The following NRG1 variants were observed in gnomAD, a reference collection of about 807,000 sequenced individuals.
NRG1 encodes the protein pro-neuregulin-1, membrane-bound isoform.
NRG1 carries 18 observed loss-of-function variants against 63.8 expected under a neutral mutation model. That is an observed-to-expected ratio of 0.28 (90% CI 0.19 to 0.42). The LOEUF (loss-of-function observed/expected upper bound fraction) is 0.42, where lower values mean the gene tolerates loss of function less well. Ranked by LOEUF, NRG1 falls within the 10% of genes least tolerant of loss-of-function variation. The probability of loss-of-function intolerance (pLI) is 1.00; values close to 1 mark genes in which losing one functional copy is unlikely to be tolerated. For synonymous variants in NRG1, 302 were observed against 301.3 expected, an observed-to-expected ratio of 1.00 and a Z score of -0.02; for missense variants, 762 against 814.7, an observed-to-expected ratio of 0.94 and a Z score of 0.79.
intron 1 of NRG1, among the ~76,000 whole-genome samples, chr8:32,278,876 T>C (rs996003695): frequency 6.6e-6 from 1 of 152,218 alleles, no homozygotes; most frequent in Non-Finnish European, 1.5e-5. Flanking sequence ...TGACGTCTAT[T>C]GTCCTGCAAC....
At chr8:32,293,754 C>G (rs1315107125) in intron 1 of NRG1, among the ~76,000 whole-genome samples, 1 of 108,004 alleles carries the variant, frequency 9.3e-6, no homozygotes, top group African/African-American at 3.7e-5. Context: ...GAGTTTCACT[C>G]TGTCGCCCAG....
intron 1 of NRG1, among the ~76,000 whole-genome samples, chr8:32,507,554 C>G (rs1047522211): frequency 6.6e-6 from 1 of 152,028 alleles, no homozygotes; most frequent in Non-Finnish European, 1.5e-5. Flanking sequence ...GGAGAATTTG[C>G]TGGCAAAAAA....
At chr8:31,864,531 A>T (rs188433774) in intron 1 of NRG1, among the ~76,000 whole-genome samples, 170 of 152,238 alleles carry the variant, frequency 1.1e-3, no homozygotes, top group Admixed American at 3.7e-3. Flanking sequence ...AGTGGGTTTG[A>T]AGCCTTGAGG....
intron 1 of NRG1, among the ~76,000 whole-genome samples, chr8:31,850,891 T>C (rs936364567): frequency 2.0e-5 from 3 of 152,224 alleles, no homozygotes; most frequent in Non-Finnish European, 2.9e-5. Context: ...GACTATCATA[T>C]GTCTCTATTG....
intron 1 of NRG1, among the ~76,000 whole-genome samples, chr8:32,069,102 A>C (rs1323141426): frequency 6.6e-6 from 1 of 152,206 alleles, no homozygotes; most frequent in East Asian, 1.9e-4. Flanking sequence ...ATCTCCTTGA[A>C]GGAGGGATGA....
intron 1 of NRG1, among the ~76,000 whole-genome samples, chr8:32,471,243 A>G (rs1823806945): frequency 6.6e-6 from 1 of 152,206 alleles, no homozygotes; most frequent in Non-Finnish European, 1.5e-5. Flanking sequence ...TATCTGTTTC[A>G]ACAACAATAA....
intron 5 of NRG1, among the ~76,000 whole-genome samples, chr8:32,681,706 T>TTG (rs1447019286): frequency 6.6e-6 from 1 of 152,156 alleles, no homozygotes. Context: ...ATATCGTCAC[T>TTG]TGTACAAATG....
chr8:32,272,010 A>G (rs1275411104), intron 1 of NRG1, among the ~76,000 whole-genome samples: 4 of 152,210 alleles, frequency 2.6e-5, no homozygotes, highest in Admixed American at 1.3e-4. Flanking sequence ...AACACCAACA[A>G]TTAATTCATT....
chr8:31,986,286 G>A (rs755277260), intron 1 of NRG1, among the ~76,000 whole-genome samples: 5 of 152,008 alleles, frequency 3.3e-5, no homozygotes, highest in Non-Finnish European at 7.4e-5. Context: ...GCAAAAGGCA[G>A]GCAGACAAGG....
intron 1 of NRG1, among the ~76,000 whole-genome samples, chr8:31,701,357 A>G (rs570767447): frequency 2.7e-4 from 41 of 152,218 alleles, no homozygotes; most frequent in Non-Finnish European, 5.4e-4. Context: ...CTAAATCCCA[A>G]ATCAATCTGA....
chr8:32,481,319 A>T (rs374974207), intron 1 of NRG1, among the ~76,000 whole-genome samples: 1 of 151,430 alleles, frequency 6.6e-6, no homozygotes, highest in Non-Finnish European at 1.5e-5. Flanking sequence ...AGCCTGGGTA[A>T]CCCATTGAGA....
At chr8:32,285,211 ATTAT>A (rs1452962948) in intron 1 of NRG1, among the ~76,000 whole-genome samples, 7 of 152,124 alleles carry the variant, frequency 4.6e-5, no homozygotes, top group African/African-American at 1.7e-4. Context: ...AGGGCCTTTG[ATTAT>A]TTAGCCCAAA....
intron 1 of NRG1, among the ~76,000 whole-genome samples, chr8:32,590,039 T>A (rs1225297794): frequency 1.3e-5 from 2 of 152,240 alleles, no homozygotes; most frequent in African/African-American, 4.8e-5. Flanking sequence ...AAGTATACTT[T>A]GCATACCTGC....
chr8:32,548,465 A>G, exon 1 of NRG1: 1 of 1,176,292 alleles, frequency 8.5e-7, no homozygotes, highest in Non-Finnish European at 1.0e-6. Flanking sequence ...CAGCGGTGGG[A>G]CCCATCGACG....
At position 31,903,148 on chromosome 8, in the gene NRG1, C is replaced by CTTTT. The variant is rs35433200; in HGVS notation, c.37+263732_37+263735dup. On this transcript the variant is annotated intron_variant, in intron 1 of 10. Coordinates refer to the NRG1 transcript ENST00000519301. ...GATGATTCTGGCCTAGAGCCTTCAA[C>CTTTT]TTTTTTTTTTTTTTTTTTGAGATGG... Among the ~76,000 whole-genome samples, 263 of 125,468 alleles carry CTTTT rather than the reference C, an allele frequency of 2.1e-3. 9 individuals carry two copies. Among genetic ancestry groups the CTTTT allele is most frequent in the East Asian group, 0.018 (66 of 3,718 alleles). The allele number at this position is 125,468 out of a possible 152,430, so 82.3% of individuals were successfully genotyped here. A position where few individuals can be genotyped will look rare whatever the true frequency, so the allele number is the denominator to read the frequency against.
intron 3 of NRG1, 69 bp downstream of exon 3, chr8:32,605,752 C>T: frequency 6.6e-7 from 1 of 1,523,432 alleles, no homozygotes; most frequent in South Asian, 1.2e-5. Context: ...TGGTAAGACT[C>T]ATAATAGACT....
chr8:31,998,917 A>C (rs573378940), intron 1 of NRG1, among the ~76,000 whole-genome samples: 1 of 152,144 alleles, frequency 6.6e-6, no homozygotes, highest in Admixed American at 6.6e-5. Context: ...ATTAAGTTGA[A>C]GACTCAAGGG....
intron 1 of NRG1, among the ~76,000 whole-genome samples, chr8:32,021,974 G>T (rs1337273891): frequency 2.6e-5 from 4 of 152,152 alleles, no homozygotes; most frequent in African/African-American, 9.7e-5. Context: ...GCTCTCAGAG[G>T]CAGAAGTGGT....
At chr8:31,772,320 C>T (rs553281008) in intron 1 of NRG1, among the ~76,000 whole-genome samples, 9 of 152,254 alleles carry the variant, frequency 5.9e-5, no homozygotes, top group East Asian at 1.9e-4. Flanking sequence ...GCCTCTCCCA[C>T]GGAAAGACCT....
Sources: gnomAD v4.1 joint callset for allele counts (sites outside exome capture counted in the v4.1 genomes callset) on GRCh38, gnomAD v4.1.1 for gene constraint, MANE v1.5 for transcripts, NCBI Gene and HGNC (gene_info 2026-07-23, HGNC 2026-07-21) for gene names.